The following NOS1AP variants were observed in gnomAD, a reference collection of about 807,000 sequenced individuals.
NOS1AP encodes nitric oxide synthase 1 adaptor protein, also known as carboxyl-terminal PDZ ligand of neuronal nitric oxide synthase protein.
NOS1AP carries 21 observed loss-of-function variants against 56.2 expected under a neutral mutation model. That is an observed-to-expected ratio of 0.37 (90% CI 0.26 to 0.54). The LOEUF (loss-of-function observed/expected upper bound fraction) is 0.54, where lower values mean the gene tolerates loss of function less well. NOS1AP is among the 20% of genes least tolerant of loss of function. NOS1AP has a pLI of 0.84. For synonymous variants in NOS1AP, 270 were observed against 274.6 expected, an observed-to-expected ratio of 0.98 and a Z score of 0.17; for missense variants, 522 against 657.8, an observed-to-expected ratio of 0.79 and a Z score of 2.26.
chr1:162,118,513 G>GTGT (rs1299399562), intron 1 of NOS1AP, among the ~76,000 whole-genome samples: 3 of 152,058 alleles, frequency 2.0e-5, no homozygotes, highest in African/African-American at 4.8e-5. Flanking sequence ...TTGATTCCAC[G>GTGT]TGTTTGCTAA....
At chr1:162,348,107 A>G (rs1201082522) in intron 6 of NOS1AP, among the ~76,000 whole-genome samples, 1 of 152,200 alleles carries the variant, frequency 6.6e-6, no homozygotes, top group African/African-American at 2.4e-5. Context: ...CTGGGAGGGT[A>G]GGGACTTCCT....
intron 6 of NOS1AP, among the ~76,000 whole-genome samples, chr1:162,353,980 C>T (rs1161411987): frequency 1.3e-5 from 2 of 152,352 alleles, no homozygotes; most frequent in Admixed American, 6.5e-5. Flanking sequence ...CTGTTAAACG[C>T]CTTTGCAGCC....
intron 2 of NOS1AP, among the ~76,000 whole-genome samples, chr1:162,265,570 T>TA: frequency 6.6e-6 from 1 of 151,474 alleles, no homozygotes; most frequent in Non-Finnish European, 1.5e-5. Context: ...ATCATTTTTT[T>TA]ATGGCTGCAT....
chr1:162,112,705 T>C (rs1208994033), intron 1 of NOS1AP, among the ~76,000 whole-genome samples: 1 of 152,210 alleles, frequency 6.6e-6, no homozygotes, highest in East Asian at 1.9e-4. Flanking sequence ...TTGCCACTAG[T>C]GTGAAGCTGT....
chr1:162,155,423 A>G (rs1161555664), intron 2 of NOS1AP, among the ~76,000 whole-genome samples: 3 of 149,010 alleles, frequency 2.0e-5, no homozygotes, highest in Admixed American at 6.7e-5. Context: ...TATAGAGCCT[A>G]TATACATACA....
intron 2 of NOS1AP, among the ~76,000 whole-genome samples, chr1:162,166,780 C>T (rs556094897): frequency 6.6e-6 from 1 of 152,266 alleles, no homozygotes; most frequent in East Asian, 1.9e-4. Flanking sequence ...TCCTTAGCAC[C>T]GTGCCTGGCC....
In NOS1AP at chr1:162,287,408, T is replaced by C; in HGVS notation, c.242T>C (p.Val81Ala). 1.2e-6 allele frequency: 2 copies of C among 1,612,824 alleles called. No individual in the cohort carries two copies. Among genetic ancestry groups the C allele is most frequent in the Non-Finnish European group, 1.7e-6 (2 of 1,179,016 alleles). The change falls in exon 3 of 10, where the codon GTG becomes GCG. Residue 81 changes from valine to alanine, a missense_variant. Physicochemically the swap from Val to Ala is moderately conservative, Grantham distance 64. This residue lies in a region of NOS1AP where 132 missense variants were observed against 218.1 expected (regional missense o/e 0.61). Transcript: ENST00000361897. Reference sequence around the variant, plus strand: ...AGCATTATGGTTTCAGTGGATGGAGTGAAAGTGATTCTGAAGAAGAAGAAA... The same window carrying C: ...AGCATTATGGTTTCAGTGGATGGAGCGAAAGTGATTCTGAAGAAGAAGAAA... ...KVSIMVSVDG[V>A]KVILKKKKKL...
At chr1:162,190,638 A>C (rs1557826404) in intron 2 of NOS1AP, among the ~76,000 whole-genome samples, 2 of 152,086 alleles carry the variant, frequency 1.3e-5, no homozygotes, top group African/African-American at 2.4e-5. Context: ...CCTTCTAGCT[A>C]TCTGAAACTT....
chr1:162,285,136 T>C (rs1655049163), intron 2 of NOS1AP, among the ~76,000 whole-genome samples: 2 of 152,210 alleles, frequency 1.3e-5, no homozygotes, highest in Non-Finnish European at 2.9e-5. Flanking sequence ...GGGTAGGTTT[T>C]GCCCTCTTCT....
chr1:162,233,104 C>T (rs1260875751), intron 2 of NOS1AP, among the ~76,000 whole-genome samples: 1 of 152,150 alleles, frequency 6.6e-6, no homozygotes, highest in Non-Finnish European at 1.5e-5. Context: ...TTGCTGGGCC[C>T]CACCTTCAGA....
chr1:162,345,290 A>C, intron 6 of NOS1AP, among the ~76,000 whole-genome samples: 1 of 145,738 alleles, frequency 6.9e-6, no homozygotes, highest in Non-Finnish European at 1.5e-5. Flanking sequence ...ATATCTCCCA[A>C]AGCTATCCCT....
chr1:162,186,924 A>G (rs998618501), intron 2 of NOS1AP, among the ~76,000 whole-genome samples: 1 of 152,164 alleles, frequency 6.6e-6, no homozygotes, highest in East Asian at 1.9e-4. Context: ...AATGTTATGC[A>G]TAAAGGTTTT....
intron 2 of NOS1AP, among the ~76,000 whole-genome samples, chr1:162,228,406 G>T (rs886169299): frequency 6.6e-6 from 1 of 152,210 alleles, no homozygotes; most frequent in Non-Finnish European, 1.5e-5. Context: ...AGGAAATGAA[G>T]AGAAATGTGC....
chr1:162,071,988 A>G (rs966968590), intron 1 of NOS1AP, among the ~76,000 whole-genome samples: 3 of 152,124 alleles, frequency 2.0e-5, no homozygotes, highest in Non-Finnish European at 4.4e-5. Flanking sequence ...TGAGCCCAGG[A>G]GTTAGAGACT....
chr1:162,316,175 C>G (rs1216143523), intron 4 of NOS1AP, among the ~76,000 whole-genome samples: 2 of 152,024 alleles, frequency 1.3e-5, no homozygotes, highest in African/African-American at 4.8e-5. Flanking sequence ...TGAACACAGC[C>G]CATATGTGAA....
intron 2 of NOS1AP, among the ~76,000 whole-genome samples, chr1:162,235,266 A>T (rs1388567140): frequency 6.6e-6 from 1 of 152,174 alleles, no homozygotes; most frequent in Non-Finnish European, 1.5e-5. Context: ...TCATCTCCCC[A>T]CAACAAATCA....
Position 162,280,611 on chromosome 1 carries a change from T to C in NOS1AP, c.178-6733T>C, listed in dbSNP as rs189277009. Among the ~76,000 whole-genome samples, 3 of 152,372 alleles carry C rather than the reference T, an allele frequency of 2.0e-5. No individual in the cohort carries two copies. In the East Asian group the frequency reaches 5.8e-4, roughly 29 times the overall value. ...CAAATGGGATTTAGAACTTGAGTTT[T>C]AGATCTCCTTGGTCTACAAAGTAGG... On this transcript the variant is annotated intron_variant, in intron 2 of 9. Coordinates refer to ENST00000361897, the MANE Select transcript of NOS1AP (RefSeq NM_014697.3).
chr1:162,362,312 G>T (rs945066674), intron 8 of NOS1AP, among the ~76,000 whole-genome samples: 3 of 152,170 alleles, frequency 2.0e-5, no homozygotes, highest in Admixed American at 6.5e-5. Context: ...TTAGCTAGGT[G>T]TGGTGGCGGG....
intron 2 of NOS1AP, among the ~76,000 whole-genome samples, chr1:162,195,153 A>G (rs1651764826): frequency 6.6e-6 from 1 of 152,312 alleles, no homozygotes; most frequent in South Asian, 2.1e-4. Flanking sequence ...ACTCAGTGAC[A>G]CAATATATAA....
Sources: gnomAD v4.1 joint callset for allele counts (sites outside exome capture counted in the v4.1 genomes callset) on GRCh38, gnomAD v4.1.1 for gene constraint, gnomAD v4.1.1 regional missense constraint, MANE v1.5 for transcripts, NCBI Gene and HGNC (gene_info 2026-07-23, HGNC 2026-07-21) for gene names.